Variants in TET1 observed in about 807,000 individuals in gnomAD.
TET1 encodes tet methylcytosine dioxygenase 1, also known as methylcytosine dioxygenase TET1.
TET1 carries 13 observed loss-of-function variants against 148.7 expected under a neutral mutation model. The observed-to-expected ratio is 0.09, with a 90% confidence interval of 0.06 to 0.14. The LOEUF is 0.14. Among genes scored for constraint, TET1 ranks in the 10% least tolerant of loss-of-function variants. TET1 has a pLI of 1.00. For synonymous variants in TET1, 907 were observed against 937.2 expected (o/e 0.97, Z 0.59); for missense variants, 2,182 against 2,553.8 (o/e 0.85, Z 3.14).
intron 3 of TET1, among the ~76,000 whole-genome samples, chr10:68,607,653 G>C (rs914916990): frequency 1.3e-5 from 2 of 151,346 alleles, no homozygotes; most frequent in African/African-American, 4.9e-5. Flanking sequence ...AGAACTCTGA[G>C]CTCAAAGCAA....
At chr10:68,565,904 T>C (rs990104543) in intron 1 of TET1, among the ~76,000 whole-genome samples, 7 of 152,186 alleles carry the variant, frequency 4.6e-5, no homozygotes, top group Admixed American at 2.6e-4. Context: ...TCAGGGGTCA[T>C]TGGCCTCTTT....
At chr10:68,637,914 G>A (rs1241923143) in intron 3 of TET1, among the ~76,000 whole-genome samples, 2 of 151,980 alleles carry the variant, frequency 1.3e-5, no homozygotes, top group African/African-American at 4.8e-5. Flanking sequence ...AAAGTAGCTG[G>A]GATTACAGGC....
rs1564504100 is a variant in TET1 at position 68,672,510 on chromosome 10, A to AAAAC, written c.4674-384_4674-383insAACA. Among the ~76,000 whole-genome samples, 641 of 144,348 alleles carry AAAAC rather than the reference A, an allele frequency of 4.4e-3. 12 individuals are homozygous for AAAAC. Among genetic ancestry groups the AAAAC allele is most frequent in the African/African-American group, 0.016 (602 of 37,830 alleles). 94.7% of individuals were successfully genotyped at this position (144,348 alleles called of 152,430 possible). ...CTCAAAAAAAAAAAAAAAAAAAAAAAACACCAAAAAAAAAAAAAAGAAAAA... is the reference window on the plus strand; with the variant it reads ...CTCAAAAAAAAAAAAAAAAAAAAAAAAAACACACCAAAAAAAAAAAAAAGAAAAA... On this transcript the variant is annotated intron_variant, in intron 7 of 11. Coordinates refer to ENST00000373644, the MANE Select transcript of TET1 (RefSeq NM_030625.3).
intron 4 of TET1, among the ~76,000 whole-genome samples, chr10:68,650,972 G>GT (rs2054923489): frequency 6.6e-6 from 1 of 151,696 alleles, no homozygotes; most frequent in Non-Finnish European, 1.5e-5. Flanking sequence ...TTTCTACTTG[G>GT]TTTTTTAATA....
At chr10:68,643,418 GACT>G (rs1564987112) in intron 3 of TET1, among the ~76,000 whole-genome samples, 1 of 152,058 alleles carries the variant, frequency 6.6e-6, no homozygotes, top group Non-Finnish European at 1.5e-5. Context: ...AGTGAGAATG[GACT>G]ACAAGTATAC....
chr10:68,675,563 C>T (rs1023914718), intron 8 of TET1, among the ~76,000 whole-genome samples: 4 of 133,092 alleles, frequency 3.0e-5, no homozygotes, highest in Admixed American at 8.0e-5. Context: ...CTATCCACGT[C>T]ATTTTTTTTT....
chr10:68,590,830 ATTTTCTTTTTT>A (rs986775060), intron 2 of TET1, among the ~76,000 whole-genome samples: 41 of 145,588 alleles, frequency 2.8e-4, no homozygotes, highest in Admixed American at 1.1e-3. Context: ...ATATAAAGCT[ATTTTCTTTTTT>A]TTTTCTTTTT....
At chr10:68,566,487 C>CA (rs545980928) in intron 1 of TET1, among the ~76,000 whole-genome samples, 13 of 144,314 alleles carry the variant, frequency 9.0e-5, no homozygotes, top group Admixed American at 2.8e-4. Context: ...CAAGCCAAAA[C>CA]TTTTTTTTTT....
At chr10:68,670,265 A>C (rs1002073777) in intron 7 of TET1, among the ~76,000 whole-genome samples, 2 of 152,156 alleles carry the variant, frequency 1.3e-5, no homozygotes, top group African/African-American at 4.8e-5. Context: ...GATTGAATGC[A>C]TTTAGTTATT....
At chr10:68,574,922 T>G (rs193214009) in intron 2 of TET1, among the ~76,000 whole-genome samples, 2 of 152,342 alleles carry the variant, frequency 1.3e-5, no homozygotes, top group Admixed American at 6.5e-5. Flanking sequence ...ATCTGTTGAT[T>G]TAGAATTTAT....
rs1001370766 is a variant in TET1 at position 68,691,262 on chromosome 10, C to G, written c.5859C>G (p.Ala1953=). The change falls in exon 12 of 12, where the codon GCC becomes GCG. Residue 1953 remains alanine, a synonymous_variant. Coordinates refer to ENST00000373644, the MANE Select transcript of TET1 (RefSeq NM_030625.3). This position sits in a 1 kb window ranked among gnomAD's most constrained non-coding sequence, Gnocchi z 4.4. Reference sequence around the variant, plus strand: ...TCCTCACCTCTCCTCAAGACCTTGCCTCTTCTCCAATGGAAGAAGATGAGC... The same window carrying G: ...TCCTCACCTCTCCTCAAGACCTTGCGTCTTCTCCAATGGAAGAAGATGAGC... The part of the protein sequence containing the change: ...PSFLTSPQDL[A]SSPMEEDEQH... 6 of 1,614,070 alleles carry G rather than the reference C, an allele frequency of 3.7e-6. No homozygotes were observed. The highest frequency in any genetic ancestry group is 3.3e-5 in the Admixed American group (2 of 59,990).
At chr10:68,584,745 C>G (rs1765076344) in intron 2 of TET1, among the ~76,000 whole-genome samples, 1 of 151,942 alleles carries the variant, frequency 6.6e-6, no homozygotes, top group African/African-American at 2.4e-5. Context: ...TACTGTAAAC[C>G]ATACATTTTA....
chr10:68,656,453 G>A (rs377124200), intron 6 of TET1, among the ~76,000 whole-genome samples: 3 of 152,088 alleles, frequency 2.0e-5, no homozygotes, highest in South Asian at 2.1e-4. Flanking sequence ...TAGTAGAGAC[G>A]TGGTTTCACT....
intron 2 of TET1, among the ~76,000 whole-genome samples, chr10:68,585,448 C>T (rs1338479259): frequency 3.9e-5 from 6 of 151,974 alleles, no homozygotes; most frequent in South Asian, 2.1e-4. Context: ...ATTTCTAGAA[C>T]GAATTTGATC....
intron 3 of TET1, among the ~76,000 whole-genome samples, chr10:68,606,643 T>C (rs1005969811): frequency 6.6e-6 from 1 of 151,792 alleles, no homozygotes; most frequent in Non-Finnish European, 1.5e-5. Context: ...TAGGTCCTTA[T>C]AGTCCCAGGC....
intron 3 of TET1, among the ~76,000 whole-genome samples, chr10:68,637,539 T>TTTTTTTTTTTTTTC (rs2054672119): frequency 2.0e-5 from 3 of 147,920 alleles, no homozygotes; most frequent in African/African-American, 7.5e-5. Flanking sequence ...TTTTTTTTTT[T>TTTTTTTTTTTTTTC]AAGAGACAGA....
rs772537863 is a variant in TET1, at chr10:68,601,003, C to T, written c.1937C>T (p.Pro646Leu). The change falls in exon 3 of 12, where the codon CCC (proline) becomes CTC (leucine). Residue 646 changes from proline to leucine, a missense_variant. By Grantham distance (98) the Pro-to-Leu change is moderately conservative. Coordinates refer to ENST00000373644, the MANE Select transcript of TET1 (RefSeq NM_030625.3). ...PLEVIKENKR[P>L]QREKKPKVLK... ...TAGGTTATAAAGGAAAACAAGAGGC[C>T]CCAGAGGGAAAAGAAGCCCAAAGTT... 15 of 1,604,668 alleles carry T rather than the reference C, an allele frequency of 9.3e-6. No homozygotes were observed. Among genetic ancestry groups the T allele is most frequent in the Non-Finnish European group, 8.5e-7 (1 of 1,177,860 alleles).
At chr10:68,634,772 T>A (rs530065094) in intron 3 of TET1, among the ~76,000 whole-genome samples, 21 of 152,190 alleles carry the variant, frequency 1.4e-4, no homozygotes, top group Middle Eastern at 3.4e-3. Flanking sequence ...TTTTGTTTGT[T>A]TGTTTGTTTT....
chr10:68,626,089 C>CAAAAA (rs768111191), intron 3 of TET1, among the ~76,000 whole-genome samples: 1,960 of 33,704 alleles, frequency 0.058, 94 homozygotes, highest in African/African-American at 0.18. Context: ...GACCCTATCT[C>CAAAAA]AAAAAAAAGA....
Sources: gnomAD v4.1 joint callset for allele counts (sites outside exome capture counted in the v4.1 genomes callset) on GRCh38, gnomAD v4.1.1 for gene constraint, Gnocchi (gnomAD v3.1) non-coding constraint, MANE v1.5 for transcripts, NCBI Gene and HGNC (gene_info 2026-07-23, HGNC 2026-07-21) for gene names.